Variants in TTC16 observed in about 807,000 individuals in gnomAD.
TTC16 encodes the protein tetratricopeptide repeat protein 16.
In TTC16, 66 loss-of-function variants were observed where a neutral mutation model predicts 80.4. The ratio of observed to expected loss-of-function variants is 0.82; its 90% CI spans 0.67 to 1.01. The LOEUF is 1.01. Among genes scored for constraint, TTC16 ranks in the 50% least tolerant of loss-of-function variants. The probability of loss-of-function intolerance (pLI) is 0.00; values close to 1 mark genes in which losing one functional copy is unlikely to be tolerated. For missense variants in TTC16, 1,070 were observed against 1,103.2 expected (o/e 0.97, Z 0.43); for synonymous variants, 438 against 451.3 (o/e 0.97, Z 0.37).
chr9:127,720,819 T>TCCCTTA (rs1402752796), intron 6 of TTC16, among the ~76,000 whole-genome samples: 1 of 6,100 alleles, frequency 1.6e-4, no homozygotes, highest in Non-Finnish European at 3.5e-4. Flanking sequence ...TCCTTCTTTC[T>TCCCTTA]TCCCTCCTGC....
In TTC16 at chr9:127,724,506, C is replaced by T. The variant is rs574279294; in HGVS notation, c.1117+142C>T. ...GCAAGGGAAGAGGAAATGTAATAGTCTCAGTATCCCAGGAACACACTTTGG... is the reference window on the plus strand; with the variant it reads ...GCAAGGGAAGAGGAAATGTAATAGTTTCAGTATCCCAGGAACACACTTTGG... On this transcript the variant is annotated intron_variant, in intron 8 of 13. Transcript: ENST00000373289. 3.1e-5 allele frequency: 37 copies of T among 1,204,814 alleles called. No homozygotes were observed. In the African/African-American group the frequency reaches 5.5e-4, roughly 18 times the overall value. The allele number at this position is 1,204,814 out of a possible 1,614,324, so 74.6% of individuals were successfully genotyped here.
At position 127,719,210 on chromosome 9, in the gene TTC16, CA is replaced by C. The variant is rs112597139; in HGVS notation, c.427-853del. On this transcript the variant is annotated intron_variant, in intron 4 of 13. Transcript: ENST00000373289. The stretch of plus-strand genomic sequence containing the variant: ...TGGGTGACAGAACAAGATGCTGTCT[CA>C]AAAAAAAAAAAAAATTCTGTTCTTA... 4.7e-3 allele frequency among the ~76,000 whole-genome samples: 619 copies of C among 130,744 alleles called. 1 individual carries two copies. Among genetic ancestry groups the C allele is most frequent in the Non-Finnish European group, 6.1e-3 (367 of 60,098 alleles). The allele number at this position is 130,744 out of a possible 152,430, so 85.8% of individuals were successfully genotyped here.
At chr9:127,717,507 TCA>T in intron 3 of TTC16, 83 bp downstream of exon 3, 1 of 1,575,392 alleles carries the variant, frequency 6.3e-7, no homozygotes, top group Non-Finnish European at 8.6e-7. Flanking sequence ...ATCCCTCCTC[TCA>T]GGGCCACCAA....
Position 127,731,436 on chromosome 9 carries a change from G to A in TTC16, c.*31G>A. The A allele has an allele frequency of 6.3e-7, 1 of 1,579,120 alleles. No homozygotes were observed. On this transcript the variant is annotated 3_prime_UTR_variant, in exon 14 of 14. Transcript: ENST00000373289. Reference sequence around the variant, plus strand: ...CCATCCAGACCCTCCCTTCTTGCTGGGGAGGGGACGAGTTCTACCCACCTC... The same window carrying A: ...CCATCCAGACCCTCCCTTCTTGCTGAGGAGGGGACGAGTTCTACCCACCTC...
intron 10 of TTC16, 102 bp downstream of exon 10, chr9:127,726,506 G>C (rs77328784): frequency 7.6e-7 from 1 of 1,313,054 alleles, no homozygotes; most frequent in East Asian, 2.7e-5. Context: ...ACAATCATAA[G>C]GCCAGGCATG....
Position 127,727,556 on chromosome 9 carries a change from T to C in TTC16, c.1764+91T>C, listed in dbSNP as rs1844083273. 3 of 1,474,636 alleles carry C rather than the reference T, an allele frequency of 2.0e-6. No homozygotes were observed. The South Asian group carries it at 4.0e-5, about 20-fold the overall frequency. 91.3% of individuals were successfully genotyped at this position (1,474,636 alleles called of 1,614,324 possible). ...GGCTGAAGGATGCAGGCCAGTGGAGTCTGGCTTCCAGGCCTGGCTCTGCAC... is the reference window on the plus strand; with the variant it reads ...GGCTGAAGGATGCAGGCCAGTGGAGCCTGGCTTCCAGGCCTGGCTCTGCAC... On this transcript the variant is annotated intron_variant, in intron 12 of 13. Coordinates refer to ENST00000373289, the MANE Select transcript of TTC16 (RefSeq NM_144965.3).
intron 13 of TTC16, chr9:127,730,203 AG>A: frequency 4.3e-6 from 1 of 233,356 alleles, no homozygotes; most frequent in Non-Finnish European, 8.4e-6. Flanking sequence ...AAGCTCCAAC[AG>A]GAAGAAGGCT....
Position 127,729,511 on chromosome 9 carries a change from C to T in TTC16, c.1765-70C>T, listed in dbSNP as rs992179048. On this transcript the variant is annotated intron_variant, in intron 12 of 13. Transcript: ENST00000373289. ...ATGACCACCGAGGGGCCCAGGGCTG[C>T]TGGCCTTCTAGAGGTGCAGCTGCAC... 1.1e-5 allele frequency: 15 copies of T among 1,331,742 alleles called. No homozygotes were observed. The Admixed American group carries it at 1.4e-4, about 12-fold the overall frequency. The allele number at this position is 1,331,742 out of a possible 1,614,324, so 82.5% of individuals were successfully genotyped here.
rs778651206 is a variant in TTC16, at chr9:127,730,999, C to T, written c.2216C>T (p.Thr739Ile). ...QGQSSSKTEA[T>I]QGQRQSSSEI... ...CAGAGCTCCAGCAAGACTGAGGCCA[C>T]TCAGGGCCAGAGGCAGAGCTCCAGC... The change falls in exon 14 of 14, where the codon ACT becomes ATT. Residue 739 changes from threonine to isoleucine, a missense_variant. Thr to Ile is a moderately conservative substitution (Grantham distance 89). Transcript: ENST00000373289. 5.6e-6 allele frequency: 9 copies of T among 1,612,326 alleles called. No homozygotes were observed. The Admixed American group carries it at 1.2e-4, about 21-fold the overall frequency.
At chr9:127,716,535 C>G (rs1843024875) in intron 1 of TTC16, 1 of 534,220 alleles carries the variant, frequency 1.9e-6, no homozygotes, top group African/African-American at 1.9e-5. Context: ...GACATCAAAG[C>G]TTGGGGTGTC....
chr9:127,717,468 G>GCTTC, intron 3 of TTC16, 44 bp downstream of exon 3: 1 of 1,593,150 alleles, frequency 6.3e-7, no homozygotes, highest in Non-Finnish European at 8.6e-7. Context: ...GCTGGAACAT[G>GCTTC]CTTCCTCCCT....
rs1003013694 is a variant in TTC16, at chr9:127,727,371, C to T, written c.1670C>T (p.Ala557Val). ...PLIATSEELKATPEIPQVKPG... is the reference protein window; with the variant it reads ...PLIATSEELKVTPEIPQVKPG... ...ATTGCGACCTCCGAGGAGCTGAAGG[C>T]CACCCCTGAGATTCCGCAGGTAAAA... is the stretch of plus-strand genomic sequence containing the variant. Residue 557 changes from alanine (A) to valine (V), a missense_variant, in exon 12 of 14, where the codon GCC becomes GTC. By Grantham distance (64) the Ala-to-Val change is moderately conservative. Coordinates refer to ENST00000373289, the MANE Select transcript of TTC16 (RefSeq NM_144965.3). 6.2e-7 allele frequency: 1 copy of T among 1,610,732 alleles called. No homozygotes were observed. Among genetic ancestry groups the T allele is most frequent in the Admixed American group, 1.7e-5 (1 of 59,856 alleles).
At chr9:127,716,207 CAG>C (rs1842994023) in intron 1 of TTC16, 44 bp downstream of exon 1, 6 of 1,613,442 alleles carry the variant, frequency 3.7e-6, no homozygotes, top group Non-Finnish European at 5.1e-6. Flanking sequence ...GAGGGCCAGG[CAG>C]AGAGACCGAG....
rs1196763959 is a variant in TTC16, at chr9:127,731,193, A to G, written c.2410A>G (p.Lys804Glu). The G allele has an allele frequency of 5.6e-6, 9 of 1,612,958 alleles. No individual in the cohort carries two copies. The highest frequency in any genetic ancestry group is 1.1e-5 in the South Asian group (1 of 91,070). ...CAGGGGACTGCTCCGAAGTTCCACC[A>G]AGACTGAGGCTTTCTATGACTCAAA... ...RSRGLLRSSTKTEAFYDSNWS... is the reference protein window; with the variant it reads ...RSRGLLRSSTETEAFYDSNWS... The change falls in exon 14 of 14, where the codon AAG (lysine) becomes GAG (glutamate). Residue 804 changes from lysine to glutamate, a missense_variant. By Grantham distance (56) the Lys-to-Glu change is moderately conservative. Coordinates refer to ENST00000373289, the MANE Select transcript of TTC16 (RefSeq NM_144965.3).
chr9:127,723,088 T>C, intron 6 of TTC16, 31 bp from the exon 7 acceptor site: 1 of 1,602,832 alleles, frequency 6.2e-7, no homozygotes, highest in South Asian at 1.1e-5. Flanking sequence ...AGTTGGTCTG[T>C]GCCCCTGATG....
Position 127,720,805 on chromosome 9 carries a change from T to A in TTC16, c.657+410T>A, listed in dbSNP as rs192330176. On this transcript the variant is annotated intron_variant, in intron 6 of 13. Coordinates refer to ENST00000373289, the MANE Select transcript of TTC16 (RefSeq NM_144965.3). The stretch of plus-strand genomic sequence containing the variant: ...ACATGAGGTAGCCCTTCCCCCTTCC[T>A]CCCTCCTTCTTTCTTCCCTCCTGCC... Among the ~76,000 whole-genome samples the A allele has an allele frequency of 4.6e-3, 227 of 49,328 alleles. 5 individuals are homozygous for A. The highest frequency in any genetic ancestry group is 0.018 in the African/African-American group (211 of 11,994). 32.4% of individuals were successfully genotyped at this position (49,328 alleles called of 152,430 possible).
At chr9:127,720,710 A>C (rs1223152360) in intron 6 of TTC16, among the ~76,000 whole-genome samples, 5 of 151,364 alleles carry the variant, frequency 3.3e-5, no homozygotes, top group Admixed American at 3.3e-4. Flanking sequence ...GTCCCTGGGC[A>C]GATGAGCACA....
chr9:127,730,748 C>T lies in TTC16; in HGVS notation c.1965C>T (p.Ser655=), dbSNP rs768682945. 7.4e-6 allele frequency: 12 copies of T among 1,613,582 alleles called. No homozygotes were observed. Among genetic ancestry groups the T allele is most frequent in the Middle Eastern group, 3.3e-4 (2 of 6,084 alleles). ...ACTCGTCACTGTTGAAGACGCAATC[C>T]TCGGACTCTGGGAACAACAGGGAGG... ...FSDSSLLKTQ[S]SDSGNNREAL... Residue 655 remains serine (S), a synonymous_variant, in exon 14 of 14, where the codon TCC becomes TCT. Transcript: ENST00000373289.
rs899356490 is a variant in TTC16, at chr9:127,716,079, A to G, written c.-67A>G. ...TGTGGGCGTCCTGGTGATGGTGCCT[A>G]GCAACGTCAGGGCCAGGGCCGCGAG... On this transcript the variant is annotated 5_prime_UTR_variant, in exon 1 of 14. Transcript: ENST00000373289. The G allele has an allele frequency of 2.6e-5, 42 of 1,610,994 alleles. No homozygotes were observed. Among genetic ancestry groups the G allele is most frequent in the Admixed American group, 2.3e-4 (14 of 59,976 alleles).
Sources: allele counts gnomAD v4.1 joint callset (sites outside exome capture counted in the v4.1 genomes callset), GRCh38; gene constraint gnomAD v4.1.1; transcripts MANE v1.5; gene names NCBI Gene and HGNC (gene_info 2026-07-23, HGNC 2026-07-21).